The following EFR3B variants were observed in gnomAD, a reference collection of about 807,000 sequenced individuals.
EFR3B encodes the protein protein EFR3 homolog B.
EFR3B carries 64 observed loss-of-function variants against 104.7 expected under a neutral mutation model. The observed-to-expected ratio is 0.61, with a 90% CI of 0.50 to 0.75. The LOEUF (loss-of-function observed/expected upper bound fraction) is 0.75. Among genes scored for constraint, EFR3B ranks in the 30% least tolerant of loss-of-function variants. The probability of loss-of-function intolerance (pLI) is 0.00; values close to 1 mark genes in which losing one functional copy is unlikely to be tolerated. For synonymous variants in EFR3B, 385 were observed against 417.9 expected, an observed-to-expected ratio of 0.92 and a Z score of 0.96; for missense variants, 750 against 1,078.5, an observed-to-expected ratio of 0.70 and a Z score of 4.27.
intron 1 of EFR3B, among the ~76,000 whole-genome samples, chr2:25,043,482 C>G (rs1252399720): frequency 6.6e-6 from 1 of 152,192 alleles, no homozygotes; most frequent in Non-Finnish European, 1.5e-5. Context: ...GGTGGGCCCC[C>G]CTACTGAGAG....
intron 1 of EFR3B, chr2:25,080,614 A>G: frequency 1.8e-6 from 1 of 561,164 alleles, no homozygotes; most frequent in East Asian, 2.9e-5. Flanking sequence ...TATTATATCT[A>G]TTGAGGCCAT....
chr2:25,118,342 C>T (rs1669919888), intron 4 of EFR3B, among the ~76,000 whole-genome samples: 1 of 152,180 alleles, frequency 6.6e-6, no homozygotes, highest in Non-Finnish European at 1.5e-5. Context: ...CTTTCTGCGT[C>T]TGATTTGTTT....
At chr2:25,057,878 T>A (rs1248427385) in intron 1 of EFR3B, among the ~76,000 whole-genome samples, 1 of 151,920 alleles carries the variant, frequency 6.6e-6, no homozygotes, top group Non-Finnish European at 1.5e-5. Context: ...AAAGGCAACC[T>A]ACAGAATGGG....
chr2:25,144,010 G>C, intron 18 of EFR3B, 148 bp downstream of exon 18: 1 of 1,221,704 alleles, frequency 8.2e-7, no homozygotes, highest in Non-Finnish European at 1.1e-6. Flanking sequence ...GAAATTTATG[G>C]TGAGGTCCTC....
chr2:25,152,824 G>A (rs1179730141), intron 21 of EFR3B, among the ~76,000 whole-genome samples: 1 of 58,826 alleles, frequency 1.7e-5, no homozygotes, highest in Non-Finnish European at 3.9e-5. Context: ...GTGTGTGTGT[G>A]TGTGTGTGTG....
intron 19 of EFR3B, among the ~76,000 whole-genome samples, chr2:25,148,921 CAAAAAAAAAAAAAA>C (rs57218512): frequency 7.3e-5 from 5 of 68,476 alleles, no homozygotes; most frequent in Admixed American, 1.8e-4. Context: ...GACTCCGTCT[CAAAAAAAAAAAAAA>C]AAAAAAAAAA....
intron 1 of EFR3B, among the ~76,000 whole-genome samples, chr2:25,087,052 C>G (rs1368783319): frequency 6.6e-6 from 1 of 152,110 alleles, no homozygotes; most frequent in East Asian, 1.9e-4. Context: ...CCTCAGGAAA[C>G]TTACAATTAC....
intron 2 of EFR3B, 120 bp from the exon 3 acceptor site, chr2:25,092,883 G>T: frequency 7.9e-7 from 1 of 1,269,212 alleles, no homozygotes; most frequent in Non-Finnish European, 1.1e-6. Flanking sequence ...CATGTGCTCC[G>T]GCACATCCAT....
intron 1 of EFR3B, among the ~76,000 whole-genome samples, chr2:25,083,230 G>C (rs1307276758): frequency 6.6e-6 from 1 of 152,180 alleles, no homozygotes; most frequent in East Asian, 1.9e-4. Flanking sequence ...TTCAGCTACT[G>C]TGGTTGGATC....
intron 1 of EFR3B, among the ~76,000 whole-genome samples, chr2:25,058,772 C>CT (rs1314686904): frequency 4.6e-5 from 6 of 131,666 alleles, no homozygotes; most frequent in Non-Finnish European, 9.9e-5. Flanking sequence ...GCGCCCCCCC[C>CT]CCCAAAAAAA....
chr2:25,145,368 T>G (rs1315238629), intron 19 of EFR3B: 1 of 477,688 alleles, frequency 2.1e-6, no homozygotes, highest in Non-Finnish European at 3.7e-6. Flanking sequence ...CCCAGGAGTT[T>G]GAGATGATCT....
At chr2:25,103,166 C>G (rs1410651364) in intron 3 of EFR3B, among the ~76,000 whole-genome samples, 1 of 152,188 alleles carries the variant, frequency 6.6e-6, no homozygotes, top group African/African-American at 2.4e-5. Flanking sequence ...ATGTATTTAT[C>G]TCAGCTCATT....
At chr2:25,068,693 G>A (rs1227343176) in intron 1 of EFR3B, among the ~76,000 whole-genome samples, 2 of 150,526 alleles carry the variant, frequency 1.3e-5, no homozygotes, top group Non-Finnish European at 3.0e-5. Flanking sequence ...ACAGTGGCGC[G>A]ATCTCGGCTC....
intron 1 of EFR3B, among the ~76,000 whole-genome samples, chr2:25,063,361 G>T (rs1201557770): frequency 6.6e-6 from 1 of 152,118 alleles, no homozygotes; most frequent in East Asian, 1.9e-4. Flanking sequence ...CCTTAATAAT[G>T]TGCTGGCTTG....
At chr2:25,153,244 C>T (rs1024854586) in intron 21 of EFR3B, among the ~76,000 whole-genome samples, 2 of 152,086 alleles carry the variant, frequency 1.3e-5, no homozygotes, top group East Asian at 1.9e-4. Context: ...ATCCCAGCTA[C>T]TCAGGAGGCT....
intron 1 of EFR3B, among the ~76,000 whole-genome samples, chr2:25,066,092 G>A (rs1668329382): frequency 6.6e-6 from 1 of 151,904 alleles, no homozygotes; most frequent in Admixed American, 6.6e-5. Context: ...ACTTCACTGC[G>A]GGCTGGAGAC....
intron 1 of EFR3B, among the ~76,000 whole-genome samples, chr2:25,088,572 G>T (rs1558597073): frequency 6.6e-6 from 1 of 152,130 alleles, no homozygotes; most frequent in Non-Finnish European, 1.5e-5. Flanking sequence ...AAGCAGAAAG[G>T]GGCGGGCAGC....
At chr2:25,071,005 G>GACAGAGC (rs1668478529) in intron 1 of EFR3B, among the ~76,000 whole-genome samples, 2 of 152,348 alleles carry the variant, frequency 1.3e-5, no homozygotes, top group South Asian at 4.1e-4. Context: ...CTGTCGCCCA[G>GACAGAGC]ACTGGAGTGC....
In EFR3B at chr2:25,158,072, T is replaced by C. The variant is rs1366853844; in HGVS notation, c.*3732T>C. On this transcript the variant is annotated 3_prime_UTR_variant, in exon 23 of 23. Coordinates refer to ENST00000403714, the MANE Select transcript of EFR3B (RefSeq NM_014971.2). ...GAACACGTTTCAGCTGGACTAAGAA[T>C]CAGACTAGCCAGGGGTTCTTCTGAA... The C allele has an allele frequency of 6.6e-6, 1 of 152,268 alleles. No individual in the cohort carries two copies. The highest frequency in any genetic ancestry group is 1.5e-5 in the Non-Finnish European group (1 of 68,072). 9.4% of individuals were successfully genotyped at this position (152,268 alleles called of 1,614,324 possible).
Sources: allele counts gnomAD v4.1 joint callset (sites outside exome capture counted in the v4.1 genomes callset), GRCh38; gene constraint gnomAD v4.1.1; transcripts MANE v1.5; gene names NCBI Gene and HGNC (gene_info 2026-07-23, HGNC 2026-07-21).